PDGFC: variants seen among roughly 807,000 people sequenced by gnomAD.
PDGFC encodes platelet-derived growth factor C.
PDGFC carries 12 observed loss-of-function variants against 35.5 expected under a neutral mutation model. That is an observed-to-expected ratio of 0.34 (90% CI 0.22 to 0.55). The LOEUF (loss-of-function observed/expected upper bound fraction) is 0.55. Among genes scored for constraint, PDGFC ranks in the 20% least tolerant of loss-of-function variants. The pLI is 0.91. For missense variants in PDGFC, 322 were observed against 412.4 expected, an observed-to-expected ratio of 0.78 and a Z score of 1.90; for synonymous variants, 159 against 148.8, an observed-to-expected ratio of 1.07 and a Z score of -0.50.
rs752933867 is a variant in PDGFC at position 156,838,963 on chromosome 4, G to A, written c.314+11258C>T. Among the ~76,000 whole-genome samples, 23 of 152,318 alleles carry A rather than the reference G, an allele frequency of 1.5e-4. 1 individual carries two copies. Among genetic ancestry groups the A allele is most frequent in the Admixed American group, 4.6e-4 (7 of 15,300 alleles). ...GGGCCAATGCTAGTATGGAAGCTGCGAAGGCCCTGAGCTCTGGAAGCCCAT... is the reference window on the plus strand; with the variant it reads ...GGGCCAATGCTAGTATGGAAGCTGCAAAGGCCCTGAGCTCTGGAAGCCCAT... On this transcript the variant is annotated intron_variant, in intron 2 of 5. Coordinates refer to ENST00000502773, the MANE Select transcript of PDGFC (RefSeq NM_016205.3).
intron 1 of PDGFC, among the ~76,000 whole-genome samples, chr4:156,906,940 A>ATG (rs1310137339): frequency 3.9e-5 from 6 of 152,214 alleles, no homozygotes; most frequent in Admixed American, 2.6e-4. Flanking sequence ...TTGCATGGAT[A>ATG]CACTGATGAA....
chr4:156,912,705 G>A (rs905547592), intron 1 of PDGFC, among the ~76,000 whole-genome samples: 22 of 151,754 alleles, frequency 1.4e-4, no homozygotes, highest in Non-Finnish European at 5.9e-5. Context: ...AATCTTAAGG[G>A]AGAAAATGGG....
chr4:156,845,621 G>C (rs1729308033), intron 2 of PDGFC, among the ~76,000 whole-genome samples: 2 of 151,728 alleles, frequency 1.3e-5, no homozygotes, highest in Admixed American at 1.3e-4. Flanking sequence ...ATGTCCAGTG[G>C]AAGTTTAATG....
chr4:156,849,390 T>A (rs1481632167), intron 2 of PDGFC, among the ~76,000 whole-genome samples: 1 of 152,112 alleles, frequency 6.6e-6, no homozygotes, highest in African/African-American at 2.4e-5. Flanking sequence ...GAAATATTTA[T>A]CTGTAATATA....
At chr4:156,838,203 G>A (rs773982603) in intron 2 of PDGFC, among the ~76,000 whole-genome samples, 5 of 152,188 alleles carry the variant, frequency 3.3e-5, no homozygotes, top group Non-Finnish European at 5.9e-5. Flanking sequence ...ACCAATAGCA[G>A]AGATGGTTAT....
At chr4:156,847,479 ACAGT>A (rs1205396220) in intron 2 of PDGFC, among the ~76,000 whole-genome samples, 5 of 151,896 alleles carry the variant, frequency 3.3e-5, no homozygotes, top group Non-Finnish European at 7.4e-5. Context: ...GGAAAGAGAA[ACAGT>A]CAGAGATTCT....
rs555622587 is a variant in PDGFC, at chr4:156,802,214, T to C, written c.495+8623A>G. On this transcript the variant is annotated intron_variant, in intron 3 of 5. Coordinates refer to ENST00000502773, the MANE Select transcript of PDGFC (RefSeq NM_016205.3). ...CGTTAACTTTGGCAACATAAACTTC[T>C]AAATTGATTGAGATCAGTCTCACAT... is the stretch of plus-strand genomic sequence containing the variant. 2.0e-5 allele frequency among the ~76,000 whole-genome samples: 3 copies of C among 152,268 alleles called. No individual in the cohort carries two copies. The South Asian group carries it at 6.2e-4, about 32-fold the overall frequency.
intron 1 of PDGFC, among the ~76,000 whole-genome samples, chr4:156,954,617 G>A (rs1732161654): frequency 6.6e-6 from 1 of 151,804 alleles, no homozygotes; most frequent in South Asian, 2.1e-4. Context: ...TAAGTTTCCT[G>A]GAAATGATAC....
intron 2 of PDGFC, among the ~76,000 whole-genome samples, chr4:156,842,415 A>G (rs1729227844): frequency 6.6e-6 from 1 of 151,948 alleles, no homozygotes; most frequent in Admixed American, 6.6e-5. Context: ...GAAAATATAT[A>G]CCTCTAAAGT....
At chr4:156,862,690 T>G (rs1326117887) in intron 1 of PDGFC, among the ~76,000 whole-genome samples, 1 of 151,808 alleles carries the variant, frequency 6.6e-6, no homozygotes, top group African/African-American at 2.4e-5. Context: ...TTAATCACTT[T>G]GCCCAAATGA....
rs374303077 is a variant in PDGFC, at chr4:156,910,496, G to A, written c.119-60080C>T. ...TAGCTTTTACAAATAAAGCTGCTATGAAAATTCATACGTAGATTTTGTGAG... is the reference window on the plus strand; with the variant it reads ...TAGCTTTTACAAATAAAGCTGCTATAAAAATTCATACGTAGATTTTGTGAG... On this transcript the variant is annotated intron_variant, in intron 1 of 5. Coordinates refer to ENST00000502773, the MANE Select transcript of PDGFC (RefSeq NM_016205.3). 6.1e-4 allele frequency among the ~76,000 whole-genome samples: 93 copies of A among 152,204 alleles called. 1 individual carries two copies. Among genetic ancestry groups the A allele is most frequent in the African/African-American group, 2.2e-3 (90 of 41,550 alleles).
rs919458432 is a variant in PDGFC at position 156,941,877 on chromosome 4, T to TA, written c.118+28908dup. ...TTGCAAGAAGAGCCTGTTAATAAAG[T>TA]AAAAATTGAACAGGAACAGAGGTGG... On this transcript the variant is annotated intron_variant, in intron 1 of 5. Coordinates refer to ENST00000502773, the MANE Select transcript of PDGFC (RefSeq NM_016205.3). Among the ~76,000 whole-genome samples, 170 of 151,972 alleles carry TA rather than the reference T, an allele frequency of 1.1e-3. 1 individual carries two copies. The highest frequency in any genetic ancestry group is 3.8e-3 in the African/African-American group (156 of 41,482).
intron 1 of PDGFC, among the ~76,000 whole-genome samples, chr4:156,963,130 T>C (rs1283816845): frequency 1.3e-5 from 2 of 151,808 alleles, no homozygotes; most frequent in East Asian, 1.9e-4. Flanking sequence ...AACAACCCAA[T>C]ACATACCTCA....
chr4:156,843,973 C>T (rs991235999), intron 2 of PDGFC, among the ~76,000 whole-genome samples: 4 of 152,140 alleles, frequency 2.6e-5, no homozygotes, highest in African/African-American at 7.2e-5. Context: ...AAATCCTTGC[C>T]TTGCTATTTC....
At chr4:156,891,453 A>C (rs1455997533) in intron 1 of PDGFC, among the ~76,000 whole-genome samples, 1 of 152,180 alleles carries the variant, frequency 6.6e-6, no homozygotes, top group Non-Finnish European at 1.5e-5. Flanking sequence ...ATGTGAACTA[A>C]ATTTAATTTA....
At chr4:156,840,113 C>T (rs1238484471) in intron 2 of PDGFC, among the ~76,000 whole-genome samples, 2 of 152,202 alleles carry the variant, frequency 1.3e-5, no homozygotes, top group African/African-American at 4.8e-5. Flanking sequence ...GCATAAGTAA[C>T]AAGGAGCCAA....
rs563807987 is a variant in PDGFC at position 156,910,862 on chromosome 4, T to A, written c.118+59924A>T. Reference sequence around the variant, plus strand: ...CCCTTTTCTGTGTAATGTCTGTTCATGTCTTTTATCCATTTTCGAATTAGG... The same window carrying A: ...CCCTTTTCTGTGTAATGTCTGTTCAAGTCTTTTATCCATTTTCGAATTAGG... On this transcript the variant is annotated intron_variant, in intron 1 of 5. Transcript: ENST00000502773. Among the ~76,000 whole-genome samples the A allele has an allele frequency of 1.2e-4, 19 of 152,298 alleles. No homozygotes were observed. In the South Asian group the frequency reaches 3.9e-3, roughly 32 times the overall value.
intron 3 of PDGFC, among the ~76,000 whole-genome samples, chr4:156,795,029 G>A (rs1435718771): frequency 2.0e-5 from 3 of 152,162 alleles, no homozygotes; most frequent in African/African-American, 7.2e-5. Context: ...TGTTGACACT[G>A]ACAACTCACT....
At chr4:156,786,090 C>T (rs1240739047) in intron 3 of PDGFC, among the ~76,000 whole-genome samples, 1 of 152,142 alleles carries the variant, frequency 6.6e-6, no homozygotes, top group Non-Finnish European at 1.5e-5. Flanking sequence ...CATAACCACA[C>T]TAATAGGCTC....
Sources: gnomAD v4.1 joint callset for allele counts (sites outside exome capture counted in the v4.1 genomes callset) on GRCh38, gnomAD v4.1.1 for gene constraint, MANE v1.5 for transcripts, NCBI Gene and HGNC (gene_info 2026-07-23, HGNC 2026-07-21) for gene names.